The following ABCG1 variants were observed in gnomAD, a reference collection of about 807,000 sequenced individuals.
ABCG1 encodes ATP binding cassette subfamily G member 1, also known as ATP-binding cassette sub-family G member 1.
In ABCG1, 29 loss-of-function variants were observed where a neutral mutation model predicts 69.2. That is an observed-to-expected ratio of 0.42 (90% CI 0.31 to 0.57). ABCG1 has a LOEUF of 0.57. ABCG1 is among the 20% of genes least tolerant of loss of function. ABCG1 has a pLI of 0.15. For missense variants in ABCG1, 718 were observed against 898.1 expected (o/e 0.80, Z 2.56); for synonymous variants, 370 against 374.8 (o/e 0.99, Z 0.15).
chr21:42,256,374 G>A (rs1374895192), intron 2 of ABCG1: 2 of 1,550,246 alleles, frequency 1.3e-6, no homozygotes, highest in South Asian at 1.2e-5. Context: ...TGGTCTGTCT[G>A]TACCGCCATT....
At chr21:42,249,031 T>C (rs1039457138) in intron 2 of ABCG1, among the ~76,000 whole-genome samples, 2 of 151,582 alleles carry the variant, frequency 1.3e-5, no homozygotes, top group Non-Finnish European at 2.9e-5. Context: ...GACAAGATAA[T>C]GGAGAGGGAG....
At chr21:42,213,994 C>G (rs972584471), upstream of ABCG1, among the ~76,000 whole-genome samples, 29 of 152,176 alleles carry the variant, frequency 1.9e-4, no homozygotes, top group Middle Eastern at 3.4e-3. Context: ...TATTTGGTGC[C>G]GGGAACAATT....
chr21:42,297,233 G>A lies in ABCG1; in HGVS notation c.*841G>A, dbSNP rs2069228487. ...TTATTTTAAGCGAAATATATTGTTTGTTTCTTCCTAACTTTCTGACTACCT... is the reference window on the plus strand; with the variant it reads ...TTATTTTAAGCGAAATATATTGTTTATTTCTTCCTAACTTTCTGACTACCT... On this transcript the variant is annotated 3_prime_UTR_variant, in exon 15 of 15. Transcript: ENST00000398449. 6.6e-6 allele frequency: 1 copy of A among 152,300 alleles called. No individual in the cohort carries two copies. Among genetic ancestry groups the A allele is most frequent in the African/African-American group, 2.4e-5 (1 of 41,562 alleles). The allele number at this position is 152,300 out of a possible 1,614,324, so 9.4% of individuals were successfully genotyped here.
At chr21:42,241,529 C>T (rs954498986) in intron 2 of ABCG1, among the ~76,000 whole-genome samples, 14 of 151,418 alleles carry the variant, frequency 9.2e-5, no homozygotes, top group Admixed American at 2.0e-4. Flanking sequence ...CACTTGAACC[C>T]GAGAGGCAGA....
chr21:42,296,624 G>GTTT lies in ABCG1; in HGVS notation c.*243_*245dup, dbSNP rs55913235. On this transcript the variant is annotated 3_prime_UTR_variant, in exon 15 of 15. Coordinates refer to ENST00000398449, the MANE Select transcript of ABCG1 (RefSeq NM_016818.3). The surrounding 1 kb of genome is among the most constrained non-coding windows in gnomAD (Gnocchi z 5.4). ...CTAGGAAGATGTAGGCAGATTGGTGGTTTTTTTTTTTTTAACATACAGAAT... is the reference window on the plus strand; with the variant it reads ...CTAGGAAGATGTAGGCAGATTGGTGGTTTTTTTTTTTTTTTTAACATACAGAAT... The GTTT allele has an allele frequency of 0.051, 22,084 of 431,566 alleles. 253 individuals carry two copies. Among genetic ancestry groups the GTTT allele is most frequent in the Middle Eastern group, 0.082 (126 of 1,536 alleles). The allele number at this position is 431,566 out of a possible 1,614,324, so 26.7% of individuals were successfully genotyped here.
At chr21:42,293,665 C>T (rs202027534) in intron 13 of ABCG1, among the ~76,000 whole-genome samples, 2 of 149,036 alleles carry the variant, frequency 1.3e-5, no homozygotes, top group African/African-American at 4.9e-5. Flanking sequence ...CCACACACTA[C>T]ACACGCACCA....
rs553247689 is a variant in ABCG1, at chr21:42,273,511, C to T, written c.537+76C>T. The T allele has an allele frequency of 1.8e-5, 27 of 1,521,048 alleles. No homozygotes were observed. The Middle Eastern group carries it at 7.7e-4, about 43-fold the overall frequency. The allele number at this position is 1,521,048 out of a possible 1,614,324, so 94.2% of individuals were successfully genotyped here. On this transcript the variant is annotated intron_variant, in intron 4 of 14. Coordinates refer to ENST00000398449, the MANE Select transcript of ABCG1 (RefSeq NM_016818.3). This position sits in a 1 kb window ranked among gnomAD's most constrained non-coding sequence, Gnocchi z 5.3. Reference sequence around the variant, plus strand: ...CGCCCACATTAGACACAGCACTGGCCGAGTGCCCAGCTGCGAGGGACCCAA... The same window carrying T: ...CGCCCACATTAGACACAGCACTGGCTGAGTGCCCAGCTGCGAGGGACCCAA...
intron 2 of ABCG1, chr21:42,256,692 T>C (rs1237332146): frequency 1.4e-6 from 2 of 1,436,280 alleles, no homozygotes; most frequent in Non-Finnish European, 9.2e-7. Context: ...TGATGGCTTC[T>C]CTGCATTCAG....
At chr21:42,211,290 A>G (rs2067587188), upstream of ABCG1, among the ~76,000 whole-genome samples, 1 of 152,078 alleles carries the variant, frequency 6.6e-6, no homozygotes, top group African/African-American at 2.4e-5. Flanking sequence ...ATGAACCAAC[A>G]CACAGAGTTG....
chr21:42,268,840 C>A (rs1273740570), intron 2 of ABCG1, among the ~76,000 whole-genome samples: 1 of 152,176 alleles, frequency 6.6e-6, no homozygotes, highest in Non-Finnish European at 1.5e-5. Context: ...AGCCTCCATG[C>A]CATGTCCTGT....
chr21:42,241,160 T>C (rs1303884875), intron 2 of ABCG1, among the ~76,000 whole-genome samples: 2 of 152,268 alleles, frequency 1.3e-5, no homozygotes, highest in African/African-American at 4.8e-5. Flanking sequence ...CAGACGTGAC[T>C]GCCTGTCAGG....
intron 5 of ABCG1, among the ~76,000 whole-genome samples, chr21:42,278,914 A>C (rs1043536118): frequency 6.6e-6 from 1 of 151,916 alleles, no homozygotes; most frequent in South Asian, 2.1e-4. Flanking sequence ...CCTCCTTGCC[A>C]TCAGCTACAG....
chr21:42,238,379 A>G (rs971877364), intron 2 of ABCG1, among the ~76,000 whole-genome samples: 5 of 152,078 alleles, frequency 3.3e-5, no homozygotes, highest in Non-Finnish European at 7.4e-5. Context: ...TGCTCCCTGG[A>G]GTTGTCCTCC....
At position 42,291,458 on chromosome 21, in the gene ABCG1, G is replaced by C; in HGVS notation, c.1495-40G>C. On this transcript the variant is annotated intron_variant, in intron 12 of 14. Coordinates refer to ENST00000398449, the MANE Select transcript of ABCG1 (RefSeq NM_016818.3). This position sits in a 1 kb window ranked among gnomAD's most constrained non-coding sequence, Gnocchi z 6.4. ...CTTTGCTGTTGGCCTGCTGTGGTGGGAAGCGGCTGAGCCCGCGGCTGACGG... is the reference window on the plus strand; with the variant it reads ...CTTTGCTGTTGGCCTGCTGTGGTGGCAAGCGGCTGAGCCCGCGGCTGACGG... 1 of 1,583,136 alleles carries C rather than the reference G, an allele frequency of 6.3e-7. No homozygotes were observed.
intron 2 of ABCG1, among the ~76,000 whole-genome samples, chr21:42,265,580 C>A (rs1225036281): frequency 6.6e-6 from 1 of 152,186 alleles, no homozygotes; most frequent in African/African-American, 2.4e-5. Flanking sequence ...GGGAGGTCCT[C>A]CCCTAGCACG....
At chr21:42,211,158 C>T (rs577104536), upstream of ABCG1, among the ~76,000 whole-genome samples, 19 of 152,252 alleles carry the variant, frequency 1.2e-4, no homozygotes, top group African/African-American at 4.6e-4. Context: ...CAGGGTTTCA[C>T]CGCGTTGGCC....
At chr21:42,202,319 C>T (rs1442183569) in intron 2 of ABCG1, among the ~76,000 whole-genome samples, 4 of 152,174 alleles carry the variant, frequency 2.6e-5, no homozygotes, top group Non-Finnish European at 5.9e-5. Flanking sequence ...ATATTACAAA[C>T]CTAGGGTTGA....
chr21:42,267,173 A>T (rs753168935), intron 2 of ABCG1, among the ~76,000 whole-genome samples: 4 of 152,232 alleles, frequency 2.6e-5, no homozygotes, highest in Non-Finnish European at 5.9e-5. Context: ...CCTCCCACCC[A>T]GGCTCACAGA....
rs919467329 is a variant in ABCG1, at chr21:42,259,184, C to T, written c.287-11886C>T. On this transcript the variant is annotated intron_variant, in intron 2 of 14. Transcript: ENST00000398449. ...GAGACATGTCTTGGTGTGAGAGAGA[C>T]GACATTGCGTTCCCAGATGTCGCTG... 27 of 1,403,242 alleles carry T rather than the reference C, an allele frequency of 1.9e-5. 1 individual carries two copies. The East Asian group carries it at 3.6e-4, about 19-fold the overall frequency. The allele number at this position is 1,403,242 out of a possible 1,614,324, so 86.9% of individuals were successfully genotyped here.
Sources: gnomAD v4.1 joint callset for allele counts (sites outside exome capture counted in the v4.1 genomes callset) on GRCh38, gnomAD v4.1.1 for gene constraint, Gnocchi (gnomAD v3.1) non-coding constraint, MANE v1.5 for transcripts, NCBI Gene and HGNC (gene_info 2026-07-23, HGNC 2026-07-21) for gene names.